DNMT1: variants seen among roughly 807,000 people sequenced by gnomAD.
The protein encoded by DNMT1 is DNA (cytosine-5)-methyltransferase 1.
A neutral mutation model predicts 205.3 loss-of-function variants in DNMT1; 24 were observed. The ratio of observed to expected loss-of-function variants is 0.12; its 90% CI spans 0.08 to 0.16. The LOEUF is 0.16. DNMT1 is among the 10% of genes least tolerant of loss of function. DNMT1 has a pLI of 1.00. For missense variants in DNMT1, 1,293 were observed against 2,177.7 expected, an observed-to-expected ratio of 0.59 and a Z score of 8.09; for synonymous variants, 817 against 839.8, an observed-to-expected ratio of 0.97 and a Z score of 0.47.
Position 10,159,225 on chromosome 19 carries a change from T to G in DNMT1, c.1280+433A>C, listed in dbSNP as rs2038517293. ...ATTGTCCCTTCATCAGCTTTCCACG[T>G]GGCTCTTTGAGACGGAGTCTTGCTC... On this transcript the variant is annotated intron_variant, in intron 17 of 40. Transcript: ENST00000359526. The surrounding 1 kb of genome is among the most constrained non-coding windows in gnomAD (Gnocchi z 5.0). 6.6e-6 allele frequency among the ~76,000 whole-genome samples: 1 copy of G among 152,166 alleles called. No homozygotes were observed. The highest frequency in any genetic ancestry group is 6.6e-5 in the Admixed American group (1 of 15,260).
intron 24 of DNMT1, among the ~76,000 whole-genome samples, chr19:10,150,383 C>T (rs1474602286): frequency 6.6e-6 from 1 of 152,208 alleles, no homozygotes; most frequent in African/African-American, 2.4e-5. Flanking sequence ...AAGCTGACTG[C>T]CACCTCAGTG....
intron 7 of DNMT1, among the ~76,000 whole-genome samples, chr19:10,174,279 A>G (rs1483667718): frequency 6.6e-6 from 1 of 152,068 alleles, no homozygotes; most frequent in Non-Finnish European, 1.5e-5. Flanking sequence ...AACTTAGCTC[A>G]TTGGCATGCG....
intron 9 of DNMT1, among the ~76,000 whole-genome samples, chr19:10,170,925 C>G (rs1265047253): frequency 6.6e-6 from 1 of 152,138 alleles, no homozygotes; most frequent in East Asian, 1.9e-4. Flanking sequence ...TCCTGAGAAG[C>G]TGGAACTACA....
At chr19:10,153,641 A>AT (rs2038394714) in intron 22 of DNMT1, among the ~76,000 whole-genome samples, 1 of 144,606 alleles carries the variant, frequency 6.9e-6, no homozygotes, top group Non-Finnish European at 1.5e-5. Context: ...TCTCAAAAAA[A>AT]TTAAAAAAAA....
At position 10,138,675 on chromosome 19, in the gene DNMT1, C is replaced by T. The variant is rs1052545314; in HGVS notation, c.3949-70G>A. 5 of 1,548,014 alleles carry T rather than the reference C, an allele frequency of 3.2e-6. No homozygotes were observed. The African/African-American group carries it at 6.8e-5, about 21-fold the overall frequency. On this transcript the variant is annotated intron_variant, in intron 34 of 40. Transcript: ENST00000359526. This position sits in a 1 kb window ranked among gnomAD's most constrained non-coding sequence, Gnocchi z 4.1. The stretch of plus-strand genomic sequence containing the variant: ...CCCAACTGGACTGGCCAGACCCAGG[C>T]CCAGGGTCAGCAGCCTGAGTCGGGA...
Position 10,142,106 on chromosome 19 carries a change from G to C in DNMT1, c.3231C>G (p.Thr1077=), listed in dbSNP as rs137880469. 6.2e-7 allele frequency: 1 copy of C among 1,613,186 alleles called. No individual in the cohort carries two copies. Among genetic ancestry groups the C allele is most frequent in the Non-Finnish European group, 8.5e-7 (1 of 1,179,380 alleles). ...CGGGCAGGTCCTCCCCATACTCCAC[G>C]GTGCAGCGGCCCTGCACAGCCTTGA... ...VDFKAVQGRC[T]VEYGEDLPEC... Residue 1077 remains threonine, a synonymous_variant, in exon 30 of 41, where the codon ACC becomes ACG. Coordinates refer to ENST00000359526, the MANE Select transcript of DNMT1 (RefSeq NM_001130823.3).
rs2089578795 is a variant in DNMT1, at chr19:10,140,384, T to TC, written c.3524-57_3524-56insG. 1 of 1,598,240 alleles carries TC rather than the reference T, an allele frequency of 6.3e-7. No individual in the cohort carries two copies. Among genetic ancestry groups the TC allele is most frequent in the African/African-American group, 1.3e-5 (1 of 74,726 alleles). On this transcript the variant is annotated intron_variant, in intron 32 of 40. Coordinates refer to ENST00000359526, the MANE Select transcript of DNMT1 (RefSeq NM_001130823.3). This position sits in a 1 kb window ranked among gnomAD's most constrained non-coding sequence, Gnocchi z 8.4. ...AACTCTCCAGAAGATTTTTTTTTTT[T>TC]TTTGAGATGGAGTCTCGCTCTGTCA...
rs1013461054 is a variant in DNMT1 at position 10,137,074 on chromosome 19, A to T, written c.4489+11T>A. The T allele has an allele frequency of 1.2e-6, 2 of 1,610,498 alleles. No homozygotes were observed. Among genetic ancestry groups the T allele is most frequent in the Non-Finnish European group, 1.7e-6 (2 of 1,179,084 alleles). The stretch of plus-strand genomic sequence containing the variant: ...CTCAGCCCACCGGGAACCACAACTT[A>T]CAGGACCCACCTTCCACGCAGGAGC... On this transcript the variant is annotated intron_variant, in intron 37 of 40. Coordinates refer to ENST00000359526, the MANE Select transcript of DNMT1 (RefSeq NM_001130823.3). This position sits in a 1 kb window ranked among gnomAD's most constrained non-coding sequence, Gnocchi z 6.4.
At position 10,180,832 on chromosome 19, in the gene DNMT1, T is replaced by G. The variant is rs1456849796; in HGVS notation, c.171A>C (p.Ile57=). Residue 57 remains isoleucine (I), a synonymous_variant, in exon 3 of 41, where the codon ATA becomes ATC. Transcript: ENST00000359526. ...NLLHEFLQTE[I]KNQLCDLETK... is the part of the protein sequence containing the mutation. ...TTTCCAAGTCACATAACTGATTCTT[T>G]ATTTCTGTTTGCAGAAATTCGTGCA... is the stretch of plus-strand genomic sequence containing the variant. The G allele has an allele frequency of 8.1e-6, 13 of 1,614,184 alleles. No individual in the cohort carries two copies. The highest frequency in any genetic ancestry group is 1.1e-5 in the Non-Finnish European group (13 of 1,180,032).
chr19:10,193,976 G>A (rs959801185), intron 1 of DNMT1, among the ~76,000 whole-genome samples: 1 of 152,106 alleles, frequency 6.6e-6, no homozygotes, highest in Non-Finnish European at 1.5e-5. Flanking sequence ...GGCATGAACT[G>A]CTAAAGCCAG....
rs2038518755 is a variant in DNMT1, at chr19:10,159,309, G to A, written c.1280+349C>T. 6.6e-6 allele frequency among the ~76,000 whole-genome samples: 1 copy of A among 152,192 alleles called. No individual in the cohort carries two copies. Among genetic ancestry groups the A allele is most frequent in the African/African-American group, 2.4e-5 (1 of 41,446 alleles). On this transcript the variant is annotated intron_variant, in intron 17 of 40. Transcript: ENST00000359526. The surrounding 1 kb of genome is among the most constrained non-coding windows in gnomAD (Gnocchi z 5.0). The stretch of plus-strand genomic sequence containing the variant: ...CGGCTCACTGCAGCCTCCGCCTCCA[G>A]AGTTCAAGAAATTCTCCTGCCTAAG...
intron 1 of DNMT1, among the ~76,000 whole-genome samples, chr19:10,182,355 GTGTA>G (rs1027106475): frequency 7.3e-5 from 11 of 149,674 alleles, no homozygotes; most frequent in African/African-American, 2.7e-4. Flanking sequence ...ACACAATTAT[GTGTA>G]TGTGTGTGTG....
Position 10,133,510 on chromosome 19 carries a change from G to C in DNMT1, c.*157C>G. 5.0e-6 allele frequency: 4 copies of C among 798,242 alleles called. No individual in the cohort carries two copies. The highest frequency in any genetic ancestry group is 8.3e-6 in the Non-Finnish European group (4 of 483,272). The allele number at this position is 798,242 out of a possible 1,614,324, so 49.4% of individuals were successfully genotyped here. On this transcript the variant is annotated 3_prime_UTR_variant, in exon 41 of 41. Transcript: ENST00000359526. The surrounding 1 kb of genome is among the most constrained non-coding windows in gnomAD (Gnocchi z 4.1). ...GCACAATTTGATCACTAAATCATTAGTTGATAAGCGAACCTCACACAACAG... is the reference window on the plus strand; with the variant it reads ...GCACAATTTGATCACTAAATCATTACTTGATAAGCGAACCTCACACAACAG...
chr19:10,154,793 C>T lies in DNMT1; in HGVS notation c.1645-20G>A. 2 of 1,614,226 alleles carry T rather than the reference C, an allele frequency of 1.2e-6. No homozygotes were observed. Among genetic ancestry groups the T allele is most frequent in the Non-Finnish European group, 1.7e-6 (2 of 1,180,048 alleles). On this transcript the variant is annotated intron_variant, in intron 20 of 40. Transcript: ENST00000359526. The surrounding 1 kb of genome is among the most constrained non-coding windows in gnomAD (Gnocchi z 6.3). ...CGTGGTCTTGAAAGAGAACAGGTTT[C>T]TCTCATGCTTAAGCCAAACTGGCCT...
chr19:10,177,902 A>G (rs575322365), intron 5 of DNMT1, among the ~76,000 whole-genome samples: 20 of 150,286 alleles, frequency 1.3e-4, no homozygotes, highest in African/African-American at 4.6e-4. Context: ...CACTGTACAC[A>G]GCCTTGGCGA....
rs2038267351 is a variant in DNMT1, at chr19:10,148,903, T to C, written c.2701A>G (p.Thr901Ala). 1 of 1,614,050 alleles carries C rather than the reference T, an allele frequency of 6.2e-7. No individual in the cohort carries two copies. Among genetic ancestry groups the C allele is most frequent in the African/African-American group, 1.3e-5 (1 of 74,918 alleles). ...GCTCACTTGAACTTGTTGTCCTCTG[T>C]TGGCTGGGTTTTTGGAGGGGACTCG... ...RFESPPKTQP[T>A]EDNKFKFCVS... Residue 901 changes from threonine (T) to alanine (A), a missense_variant, in exon 27 of 41, where the codon ACA becomes GCA. Physicochemically the swap from Thr to Ala is moderately conservative, Grantham distance 58. Transcript: ENST00000359526.
intron 1 of DNMT1, among the ~76,000 whole-genome samples, chr19:10,192,093 G>T (rs1017087816): frequency 6.6e-6 from 1 of 151,786 alleles, no homozygotes; most frequent in Non-Finnish European, 1.5e-5. Context: ...CAAAGTGCTG[G>T]GATTACAGAC....
chr19:10,163,897 T>C (rs945787377), intron 11 of DNMT1, among the ~76,000 whole-genome samples: 5 of 151,978 alleles, frequency 3.3e-5, no homozygotes, highest in African/African-American at 1.2e-4. Flanking sequence ...ACTATATATA[T>C]ATATGACACA....
chr19:10,154,669 G>T lies in DNMT1; in HGVS notation c.1749C>A (p.Ala583=), dbSNP rs569985466. 1.2e-6 allele frequency: 2 copies of T among 1,614,166 alleles called. No homozygotes were observed. Among genetic ancestry groups the T allele is most frequent in the South Asian group, 2.2e-5 (2 of 91,090 alleles). The part of the protein sequence containing the change: ...VVEQVESYDE[A]GDSDEQPIFL... ...AGATGGGCTGCTCATCACTGTCCCC[G>T]GCCTCGTCATAACTCTCCACCTGCT... is the stretch of plus-strand genomic sequence containing the variant. The change falls in exon 21 of 41, where the codon GCC becomes GCA. Residue 583 remains alanine (A), a synonymous_variant. Coordinates refer to ENST00000359526, the MANE Select transcript of DNMT1 (RefSeq NM_001130823.3). This position sits in a 1 kb window ranked among gnomAD's most constrained non-coding sequence, Gnocchi z 6.3.
Sources: allele counts gnomAD v4.1 joint callset (sites outside exome capture counted in the v4.1 genomes callset), GRCh38; gene constraint gnomAD v4.1.1; non-coding constraint Gnocchi (gnomAD v3.1); transcripts MANE v1.5; gene names NCBI Gene and HGNC (gene_info 2026-07-23, HGNC 2026-07-21).